TBC1D7: variants seen among roughly 807,000 people sequenced by gnomAD.
The protein encoded by TBC1D7 is TBC1 domain family member 7.
Under a neutral mutation model 35.3 loss-of-function variants are expected in TBC1D7, and 33 were observed. That is an observed-to-expected ratio of 0.93 (90% confidence interval 0.71 to 1.25). The LOEUF is 1.25. Ranked by LOEUF, TBC1D7 falls within the 50% of genes most tolerant of loss-of-function variation. The pLI is 0.00. For missense variants in TBC1D7, 362 were observed against 365.3 expected (o/e 0.99, Z 0.07); for synonymous variants, 135 against 129.5 (o/e 1.04, Z -0.29).
chr6:13,306,482 A>G lies in TBC1D7; in HGVS notation c.711T>C (p.Phe237=). 1 of 1,610,198 alleles carries G rather than the reference A, an allele frequency of 6.2e-7. No individual in the cohort carries two copies. The highest frequency in any genetic ancestry group is 8.5e-7 in the Non-Finnish European group (1 of 1,178,382). ...AGGTTAATAAAATTTCGACAGCTAC[A>G]AAAACTAGGATCTTACAGGATCCAC... The part of the protein sequence containing the change: ...VVSGSCKILV[F]VAVEILLTFK... Residue 237 remains phenylalanine (F), a synonymous_variant, in exon 7 of 8, where the codon TTT becomes TTC. Transcript: ENST00000379300.
chr6:13,321,141 T>C, intron 3 of TBC1D7, 46 bp from the exon 4 acceptor site: 2 of 1,521,700 alleles, frequency 1.3e-6, no homozygotes, highest in Non-Finnish European at 1.8e-6. Flanking sequence ...TACTGAGCCA[T>C]CACTCCAAAT....
In TBC1D7 at chr6:13,321,607, A is replaced by G. The variant is rs80256625; in HGVS notation, c.194-512T>C. ...ATCTTCATTGGTGAGGTCACCTTAC[A>G]GGACATTTCTATGACATATTAAGCT... On this transcript the variant is annotated intron_variant, in intron 3 of 7. Transcript: ENST00000379300. Among the ~76,000 whole-genome samples, 1,102 of 152,342 alleles carry G rather than the reference A, an allele frequency of 7.2e-3. 14 individuals are homozygous for G. Among genetic ancestry groups the G allele is most frequent in the African/African-American group, 0.025 (1,038 of 41,578 alleles).
chr6:13,309,206 A>C (rs1783022339), intron 5 of TBC1D7, among the ~76,000 whole-genome samples: 1 of 152,210 alleles, frequency 6.6e-6, no homozygotes, highest in Non-Finnish European at 1.5e-5. Context: ...TTTCCTATTG[A>C]CTTGGTTGAA....
Position 13,320,960 on chromosome 6 carries a change from C to T in TBC1D7, c.329G>A (p.Arg110His), listed in dbSNP as rs773281101. The change falls in exon 4 of 8, where the codon CGC becomes CAC. Residue 110 changes from arginine to histidine, a missense_variant. Transcript: ENST00000379300. ...DATPQAEVYL[R>H]MYQLESGKLP... ...CTTCCCAGACTCCAGCTGATACATG[C>T]GGAGATAGACTTCAGCCTGAGGTGT... 6.8e-6 allele frequency: 11 copies of T among 1,614,040 alleles called. No homozygotes were observed. The highest frequency in any genetic ancestry group is 6.6e-5 in the South Asian group (6 of 91,084).
intron 5 of TBC1D7, among the ~76,000 whole-genome samples, chr6:13,311,374 A>C (rs1014301463): frequency 1.3e-5 from 2 of 152,220 alleles, no homozygotes; most frequent in Non-Finnish European, 2.9e-5. Context: ...AATCCTAGGA[A>C]TCAGGATAGT....
At chr6:13,322,920 T>C (rs1243025552) in intron 3 of TBC1D7, among the ~76,000 whole-genome samples, 1 of 152,174 alleles carries the variant, frequency 6.6e-6, no homozygotes, top group Admixed American at 6.5e-5. Context: ...TTAACTAAAA[T>C]AGTATCAGGA....
intron 5 of TBC1D7, among the ~76,000 whole-genome samples, chr6:13,312,930 C>A (rs1334752296): frequency 6.6e-6 from 1 of 151,950 alleles, no homozygotes; most frequent in Non-Finnish European, 1.5e-5. Flanking sequence ...TGGACTCAAC[C>A]AACCATGGGC....
intron 5 of TBC1D7, among the ~76,000 whole-genome samples, chr6:13,314,406 CA>C (rs1783453904): frequency 6.6e-6 from 1 of 152,082 alleles, no homozygotes; most frequent in African/African-American, 2.4e-5. Context: ...ATGCATTCAC[CA>C]TTTATGTTAC....
rs1562165728 is a variant in TBC1D7 at position 13,316,694 on chromosome 6, T to C, written c.396A>G (p.Glu132=). 1.2e-6 allele frequency: 2 copies of C among 1,614,032 alleles called. No individual in the cohort carries two copies. Among genetic ancestry groups the C allele is most frequent in the South Asian group, 2.2e-5 (2 of 91,060 alleles). The change falls in exon 5 of 8, where the codon GAA becomes GAG. Residue 132 remains glutamate (E), a synonymous_variant. Coordinates refer to ENST00000379300, the MANE Select transcript of TBC1D7 (RefSeq NM_016495.6). ...SPSFPLEPDD[E]VFLAIAKAME... ...TGGCTTTAGCTATGGCAAGAAACAC[T>C]TCATCATCTGGCTCCTGAAAGATTA...
At chr6:13,311,266 T>C (rs1405614115) in intron 5 of TBC1D7, among the ~76,000 whole-genome samples, 1 of 152,222 alleles carries the variant, frequency 6.6e-6, no homozygotes, top group East Asian at 1.9e-4. Flanking sequence ...TTCCATGCCA[T>C]ACAATTGAAG....
chr6:13,324,320 G>A (rs977519929), intron 3 of TBC1D7, among the ~76,000 whole-genome samples: 5 of 152,014 alleles, frequency 3.3e-5, no homozygotes, highest in African/African-American at 4.8e-5. Context: ...GTAGAGAGGG[G>A]GTTTCACCCT....
intron 3 of TBC1D7, among the ~76,000 whole-genome samples, chr6:13,323,932 A>G (rs899166390): frequency 1.3e-5 from 2 of 152,200 alleles, no homozygotes; most frequent in Non-Finnish European, 2.9e-5. Context: ...TCTTTTCCCC[A>G]TCTGCAAAAT....
At chr6:13,324,057 T>C (rs184509969) in intron 3 of TBC1D7, among the ~76,000 whole-genome samples, 2 of 152,208 alleles carry the variant, frequency 1.3e-5, no homozygotes, top group Admixed American at 1.3e-4. Context: ...AATCATAGTT[T>C]ATATTCTTCA....
intron 5 of TBC1D7, 118 bp downstream of exon 5, chr6:13,316,453 G>A (rs1783623333): frequency 1.8e-6 from 2 of 1,107,044 alleles, no homozygotes; most frequent in Admixed American, 2.3e-5. Flanking sequence ...CGCTTGCTGA[G>A]TTCTACTATA....
chr6:13,309,901 G>C (rs1165006648), intron 5 of TBC1D7, among the ~76,000 whole-genome samples: 1 of 152,148 alleles, frequency 6.6e-6, no homozygotes, highest in Non-Finnish European at 1.5e-5. Context: ...GAAAAAAAAT[G>C]CACCTGCCTC....
At chr6:13,309,202 A>G (rs1038709209) in intron 5 of TBC1D7, among the ~76,000 whole-genome samples, 27 of 152,304 alleles carry the variant, frequency 1.8e-4, no homozygotes, top group African/African-American at 6.3e-4. Context: ...CTTTTTTCCT[A>G]TTGACTTGGT....
Position 13,326,890 on chromosome 6 carries a change from CTCAG to C in TBC1D7, c.5_8del (p.Thr2ArgfsTer26). 1 of 1,600,288 alleles carries C rather than the reference CTCAG, an allele frequency of 6.2e-7. No individual in the cohort carries two copies. The highest frequency in any genetic ancestry group is 8.5e-7 in the Non-Finnish European group (1 of 1,171,432). On this transcript the variant is annotated frameshift_variant, in exon 2 of 8. Coordinates refer to ENST00000379300, the MANE Select transcript of TBC1D7 (RefSeq NM_016495.6). LOFTEE classifies it high-confidence loss of function. Reference sequence around the variant, plus strand: ...CTGAACGAAAGTTTCTCTGAGAGTCCTCAGTCATATTTCATTCTTGGAGGAGACA... The same window carrying C: ...CTGAACGAAAGTTTCTCTGAGAGTCCTCATATTTCATTCTTGGAGGAGACA...
At chr6:13,319,359 C>G (rs1783859863) in intron 4 of TBC1D7, 1 of 151,330 alleles carries the variant, frequency 6.6e-6, no homozygotes, top group Admixed American at 6.6e-5. Context: ...ACTCTGGAGG[C>G]TGAGGCACAA....
rs531125303 is a variant in TBC1D7 at position 13,308,303 on chromosome 6, C to T, written c.520-558G>A. 2.4e-3 allele frequency among the ~76,000 whole-genome samples: 366 copies of T among 152,314 alleles called. 1 individual carries two copies. Among genetic ancestry groups the T allele is most frequent in the Non-Finnish European group, 2.9e-3 (196 of 68,018 alleles). On this transcript the variant is annotated intron_variant, in intron 5 of 7. Transcript: ENST00000379300. ...TACATACACTGCCCTGGATTGAGCACCACTGTGCACCAGTGCCAAGCAGGC... is the reference window on the plus strand; with the variant it reads ...TACATACACTGCCCTGGATTGAGCATCACTGTGCACCAGTGCCAAGCAGGC...
Sources: gnomAD v4.1 joint callset for allele counts (sites outside exome capture counted in the v4.1 genomes callset) on GRCh38, gnomAD v4.1.1 for gene constraint, MANE v1.5 for transcripts, NCBI Gene and HGNC (gene_info 2026-07-23, HGNC 2026-07-21) for gene names.